RHBDD1: variants seen among roughly 807,000 people sequenced by gnomAD.
RHBDD1 encodes rhomboid domain containing 1, also known as rhomboid-related protein 4.
Under a neutral mutation model 36.3 loss-of-function variants are expected in RHBDD1, and 38 were observed. The ratio of observed to expected loss-of-function variants is 1.05; its 90% confidence interval spans 0.81 to 1.37. The LOEUF (loss-of-function observed/expected upper bound fraction) is 1.37. RHBDD1 is among the 40% of genes most tolerant of loss of function. The pLI, the probability that RHBDD1 is intolerant of heterozygous loss-of-function variation, is 0.00. For synonymous variants in RHBDD1, 151 were observed against 136.5 expected (o/e 1.11, Z -0.74); for missense variants, 393 against 377.6 (o/e 1.04, Z -0.34).
intron 8 of RHBDD1, among the ~76,000 whole-genome samples, chr2:226,955,466 C>CT (rs1284007769): frequency 6.6e-6 from 1 of 152,238 alleles, no homozygotes; most frequent in Non-Finnish European, 1.5e-5. Flanking sequence ...TTTTTAGCAT[C>CT]TAGGGTCACT....
chr2:226,921,614 G>A (rs576046213), intron 8 of RHBDD1, among the ~76,000 whole-genome samples: 1 of 152,102 alleles, frequency 6.6e-6, no homozygotes, highest in African/African-American at 2.4e-5. Flanking sequence ...GGAACATATT[G>A]TTCAATTTCC....
intron 8 of RHBDD1, among the ~76,000 whole-genome samples, chr2:226,987,954 C>A (rs1175677750): frequency 6.6e-6 from 1 of 152,076 alleles, no homozygotes; most frequent in Non-Finnish European, 1.5e-5. Flanking sequence ...GCAAACTGGG[C>A]AATGGTTGCT....
intron 8 of RHBDD1, among the ~76,000 whole-genome samples, chr2:226,966,316 C>T (rs2149290492): frequency 6.6e-6 from 1 of 152,292 alleles, no homozygotes; most frequent in Non-Finnish European, 1.5e-5. Context: ...TCCTTGGTAT[C>T]AGTTTTCTCT....
At chr2:226,971,842 G>A (rs978384675) in intron 8 of RHBDD1, among the ~76,000 whole-genome samples, 1 of 151,486 alleles carries the variant, frequency 6.6e-6, no homozygotes, top group Non-Finnish European at 1.5e-5. Flanking sequence ...TTTCTTCAAA[G>A]CTCTAGAATT....
chr2:226,934,020 G>A (rs977546744), intron 8 of RHBDD1, among the ~76,000 whole-genome samples: 1 of 151,998 alleles, frequency 6.6e-6, no homozygotes, highest in Non-Finnish European at 1.5e-5. Flanking sequence ...GTTTTGAAAA[G>A]ACCCACTAAC....
At chr2:226,933,035 G>A (rs1236061407) in intron 8 of RHBDD1, among the ~76,000 whole-genome samples, 1 of 152,120 alleles carries the variant, frequency 6.6e-6, no homozygotes, top group Admixed American at 6.6e-5. Context: ...GTTCTTCGCA[G>A]GGTGGCAGGA....
In RHBDD1 at chr2:226,839,452, A is replaced by C. The variant is rs1941373521; in HGVS notation, c.-266A>C. The C allele has an allele frequency of 6.6e-6, 1 of 152,152 alleles. No homozygotes were observed. Among genetic ancestry groups the C allele is most frequent in the South Asian group, 2.1e-4 (1 of 4,820 alleles). 9.4% of individuals were successfully genotyped at this position (152,152 alleles called of 1,614,324 possible). ...TCTTACCTGTAAAACTCAGGAGCCG[A>C]GAAGCTTTAAGAACAGTGAGGTTGA... On this transcript the variant is annotated 5_prime_UTR_variant, in exon 3 of 9. Transcript: ENST00000392062.
rs1040183353 is a variant in RHBDD1 at position 226,997,805 on chromosome 2, A to T, written c.*2283A>T. 3 of 152,186 alleles carry T rather than the reference A, an allele frequency of 2.0e-5. No individual in the cohort carries two copies. The highest frequency in any genetic ancestry group is 6.5e-5 in the Admixed American group (1 of 15,270). 9.4% of individuals were successfully genotyped at this position (152,186 alleles called of 1,614,324 possible). On this transcript the variant is annotated 3_prime_UTR_variant, in exon 9 of 9. Coordinates refer to ENST00000392062, the MANE Select transcript of RHBDD1 (RefSeq NM_001167608.3). ...TCATTTTAGTTATAAATGTAAACCAATTACTTTAGCACAACAATAAAGATG... is the reference window on the plus strand; with the variant it reads ...TCATTTTAGTTATAAATGTAAACCATTTACTTTAGCACAACAATAAAGATG...
At chr2:226,870,507 A>G (rs1944711393) in intron 5 of RHBDD1, among the ~76,000 whole-genome samples, 1 of 152,172 alleles carries the variant, frequency 6.6e-6, no homozygotes, top group Admixed American at 6.5e-5. Context: ...CCACTCTTAA[A>G]CACTAAATAA....
At chr2:226,898,408 C>T (rs144081180) in intron 5 of RHBDD1, among the ~76,000 whole-genome samples, 1,612 of 152,322 alleles carry the variant, frequency 0.011, 39 homozygotes, top group African/African-American at 0.037. Context: ...TGGTCAGCTT[C>T]TATCCCCGTG....
At chr2:226,937,192 A>G (rs1022815709) in intron 8 of RHBDD1, among the ~76,000 whole-genome samples, 2 of 152,150 alleles carry the variant, frequency 1.3e-5, no homozygotes, top group Non-Finnish European at 1.5e-5. Context: ...ATAAAAATGT[A>G]TTAATTTGGA....
At chr2:226,877,421 G>A (rs911856585) in intron 5 of RHBDD1, among the ~76,000 whole-genome samples, 6 of 152,266 alleles carry the variant, frequency 3.9e-5, no homozygotes, top group Admixed American at 3.3e-4. Context: ...CAAGCTCACA[G>A]TGCCACATAG....
chr2:226,888,089 G>A (rs577343065), intron 5 of RHBDD1, among the ~76,000 whole-genome samples: 1 of 152,178 alleles, frequency 6.6e-6, no homozygotes, highest in Admixed American at 6.5e-5. Flanking sequence ...GGACATGTTA[G>A]ACATGGAAGA....
chr2:226,860,143 A>T (rs1943710783), intron 3 of RHBDD1, among the ~76,000 whole-genome samples: 1 of 152,188 alleles, frequency 6.6e-6, no homozygotes, highest in African/African-American at 2.4e-5. Flanking sequence ...GATAGATGGA[A>T]ATCCCATGTC....
intron 8 of RHBDD1, among the ~76,000 whole-genome samples, chr2:226,930,381 A>G (rs903220285): frequency 6.6e-6 from 1 of 152,082 alleles, no homozygotes; most frequent in African/African-American, 2.4e-5. Flanking sequence ...GATCTTCAAC[A>G]AAACTTAAAC....
At chr2:226,963,208 T>C (rs898879611) in intron 8 of RHBDD1, among the ~76,000 whole-genome samples, 1 of 152,092 alleles carries the variant, frequency 6.6e-6, no homozygotes, top group African/African-American at 2.4e-5. Context: ...CAGTAAAACT[T>C]CTATATAGAA....
intron 8 of RHBDD1, among the ~76,000 whole-genome samples, chr2:226,958,003 A>G (rs946426688): frequency 6.6e-6 from 1 of 152,254 alleles, no homozygotes; most frequent in African/African-American, 2.4e-5. Flanking sequence ...TCAGAAGGTT[A>G]AACATACAGT....
intron 3 of RHBDD1, among the ~76,000 whole-genome samples, chr2:226,863,069 C>T (rs907225750): frequency 6.6e-6 from 1 of 152,312 alleles, no homozygotes; most frequent in South Asian, 2.1e-4. Flanking sequence ...AACATGAGGC[C>T]GGGCCTAGTG....
intron 8 of RHBDD1, among the ~76,000 whole-genome samples, chr2:226,994,050 G>A (rs1265092899): frequency 6.6e-6 from 1 of 152,194 alleles, no homozygotes; most frequent in Non-Finnish European, 1.5e-5. Context: ...TGGGTCCAAG[G>A]CCATGTGTGC....
Sources: gnomAD v4.1 joint callset for allele counts (sites outside exome capture counted in the v4.1 genomes callset) on GRCh38, gnomAD v4.1.1 for gene constraint, MANE v1.5 for transcripts, NCBI Gene and HGNC (gene_info 2026-07-23, HGNC 2026-07-21) for gene names.